Variants in NRXN3 observed in about 807,000 individuals in gnomAD.
NRXN3 encodes the protein neurexin III.
Under a neutral mutation model 137.6 loss-of-function variants are expected in NRXN3, and 32 were observed. That is an observed-to-expected ratio of 0.23 (90% CI 0.18 to 0.31). NRXN3 has a LOEUF of 0.31. Among genes scored for constraint, NRXN3 ranks in the 10% least tolerant of loss-of-function variants. The pLI, the probability that NRXN3 is intolerant of heterozygous loss-of-function variation, is 1.00. For synonymous variants in NRXN3, 798 were observed against 784.5 expected, an observed-to-expected ratio of 1.02 and a Z score of -0.29; for missense variants, 1,574 against 2,062.5, an observed-to-expected ratio of 0.76 and a Z score of 4.59.
chr14:78,617,751 C>T (rs2097360650), intron 4 of NRXN3, among the ~76,000 whole-genome samples: 1 of 151,888 alleles, frequency 6.6e-6, no homozygotes, highest in South Asian at 2.1e-4. Context: ...ATCACTGTTT[C>T]CTTAATTTTA....
chr14:78,683,368 C>A (rs2098094851), intron 6 of NRXN3, among the ~76,000 whole-genome samples: 1 of 152,174 alleles, frequency 6.6e-6, no homozygotes, highest in Non-Finnish European at 1.5e-5. Flanking sequence ...GACACTCAGT[C>A]ATTCATCCGA....
intron 15 of NRXN3, among the ~76,000 whole-genome samples, chr14:79,168,053 T>C (rs2061438473): frequency 6.6e-6 from 1 of 151,682 alleles, no homozygotes; most frequent in Non-Finnish European, 1.5e-5. Context: ...GTGGCATAAG[T>C]ATCCAATGAT....
intron 15 of NRXN3, among the ~76,000 whole-genome samples, chr14:79,448,222 C>T (rs1448194883): frequency 6.6e-6 from 1 of 152,178 alleles, no homozygotes; most frequent in Non-Finnish European, 1.5e-5. Flanking sequence ...CTTGAACTCT[C>T]CTCCTTCAGA....
At chr14:78,834,888 G>A (rs1027674652) in intron 10 of NRXN3, among the ~76,000 whole-genome samples, 15 of 152,290 alleles carry the variant, frequency 9.8e-5, no homozygotes, top group Admixed American at 1.3e-4. Context: ...AGAAAAGAGA[G>A]AGAGGATGCT....
At chr14:78,770,803 G>A (rs1020669514) in intron 8 of NRXN3, among the ~76,000 whole-genome samples, 1 of 152,144 alleles carries the variant, frequency 6.6e-6, no homozygotes, top group Non-Finnish European at 1.5e-5. Context: ...GGATACAGGG[G>A]GATTAACTGG....
Position 79,215,189 on chromosome 14 carries a change from G to A in NRXN3, c.3262+227048G>A, listed in dbSNP as rs77432037. 9.3e-3 allele frequency among the ~76,000 whole-genome samples: 1,415 copies of A among 152,214 alleles called. 49 individuals are homozygous for A. The East Asian group carries it at 0.099, about 11-fold the overall frequency. The stretch of plus-strand genomic sequence containing the variant: ...AAGAAAGCTCTATTTTGTAGTTATT[G>A]TCACTTTCCTAAAGATATAACTTTC... On this transcript the variant is annotated intron_variant, in intron 15 of 20. Coordinates refer to ENST00000335750, the MANE Select transcript of NRXN3 (RefSeq NM_001330195.2).
At chr14:79,547,600 C>G (rs2097332780) in intron 16 of NRXN3, among the ~76,000 whole-genome samples, 1 of 152,132 alleles carries the variant, frequency 6.6e-6, no homozygotes. Flanking sequence ...TGGGAAGGAG[C>G]AAGCACAGCA....
intron 19 of NRXN3, among the ~76,000 whole-genome samples, chr14:79,756,202 A>G (rs2099019050): frequency 6.6e-6 from 1 of 152,188 alleles, no homozygotes; most frequent in Non-Finnish European, 1.5e-5. Flanking sequence ...TGAAAATCAT[A>G]GTAAACCATG....
rs201075938 is a variant in NRXN3, at chr14:78,967,420, A to T, written c.2968+22A>T. The T allele has an allele frequency of 7.9e-5, 123 of 1,566,464 alleles. 1 individual carries two copies. In the African/African-American group the frequency reaches 1.5e-3, roughly 19 times the overall value. On this transcript the variant is annotated intron_variant, in intron 13 of 20. Transcript: ENST00000335750. ...AAAGGTAAACCTTGTAAAGAAATTT[A>T]GTTTTTAATAGAGCTTTTCTTACAA...
At chr14:79,143,482 G>A (rs926010390) in intron 15 of NRXN3, among the ~76,000 whole-genome samples, 2 of 152,202 alleles carry the variant, frequency 1.3e-5, no homozygotes, top group Non-Finnish European at 1.5e-5. Flanking sequence ...AACTGTCCCA[G>A]ATTTCATCCA....
chr14:79,054,023 A>G (rs2099648143), intron 15 of NRXN3, among the ~76,000 whole-genome samples: 1 of 55,954 alleles, frequency 1.8e-5, no homozygotes, highest in African/African-American at 1.1e-4. Context: ...ACATGGATGA[A>G]GCTGGAAACC....
intron 4 of NRXN3, among the ~76,000 whole-genome samples, chr14:78,540,606 A>C (rs2096580728): frequency 6.6e-6 from 1 of 152,152 alleles, no homozygotes; most frequent in Non-Finnish European, 1.5e-5. Flanking sequence ...GGGGGCATTT[A>C]GCCCATTTAC....
rs532297350 is a variant in NRXN3 at position 78,661,958 on chromosome 14, C to T, written c.1221+10632C>T. ...AGGCTGGAGTGCAGTGGTGCAATCT[C>T]GGCTCACTGCACCCTCCACCAATTC... On this transcript the variant is annotated intron_variant, in intron 6 of 20. Coordinates refer to ENST00000335750, the MANE Select transcript of NRXN3 (RefSeq NM_001330195.2). 8.6e-5 allele frequency among the ~76,000 whole-genome samples: 13 copies of T among 150,322 alleles called. No homozygotes were observed. The South Asian group carries it at 1.7e-3, about 20-fold the overall frequency.
intron 15 of NRXN3, among the ~76,000 whole-genome samples, chr14:79,297,457 A>G (rs1012836919): frequency 6.6e-6 from 1 of 152,172 alleles, no homozygotes; most frequent in Non-Finnish European, 1.5e-5. Context: ...CCTATATTTT[A>G]TCTGGCAACC....
intron 15 of NRXN3, among the ~76,000 whole-genome samples, chr14:79,268,461 G>A (rs2078777773): frequency 6.6e-6 from 1 of 152,114 alleles, no homozygotes; most frequent in Non-Finnish European, 1.5e-5. Context: ...CCTTTTTCTT[G>A]TTGCTCAGCC....
intron 16 of NRXN3, among the ~76,000 whole-genome samples, chr14:79,638,233 G>A (rs17109649): frequency 5.7e-4 from 86 of 152,104 alleles, no homozygotes; most frequent in Middle Eastern, 3.4e-3. Flanking sequence ...TATGTAAATC[G>A]AACCTAATGC....
chr14:79,497,402 C>T (rs1026850550), intron 16 of NRXN3, among the ~76,000 whole-genome samples: 1 of 152,146 alleles, frequency 6.6e-6, no homozygotes, highest in Non-Finnish European at 1.5e-5. Flanking sequence ...TATGGCCCTT[C>T]CACTCAATCC....
intron 2 of NRXN3, among the ~76,000 whole-genome samples, chr14:78,251,864 A>G (rs2068680474): frequency 6.6e-6 from 1 of 152,148 alleles, no homozygotes; most frequent in Non-Finnish European, 1.5e-5. Flanking sequence ...GCTGTGGCTC[A>G]CAAGGTAAGG....
At chr14:78,175,171 A>G (rs1454759421) in intron 1 of NRXN3, among the ~76,000 whole-genome samples, 1 of 150,334 alleles carries the variant, frequency 6.7e-6, no homozygotes, top group Non-Finnish European at 1.5e-5. Flanking sequence ...GTGAAATTGG[A>G]AAACATTTTG....
Sources: gnomAD v4.1 joint callset for allele counts (sites outside exome capture counted in the v4.1 genomes callset) on GRCh38, gnomAD v4.1.1 for gene constraint, MANE v1.5 for transcripts, NCBI Gene and HGNC (gene_info 2026-07-23, HGNC 2026-07-21) for gene names.